The following NOL4 variants were observed in gnomAD, a reference collection of about 807,000 sequenced individuals.
NOL4 encodes the protein nucleolar protein 4.
In NOL4, 17 loss-of-function variants were observed where a neutral mutation model predicts 75.9. The ratio of observed to expected loss-of-function variants is 0.22; its 90% CI spans 0.15 to 0.34. The LOEUF is 0.34. NOL4 is among the 10% of genes least tolerant of loss of function. The probability of loss-of-function intolerance (pLI) is 1.00; values close to 1 mark genes in which losing one functional copy is unlikely to be tolerated. For missense variants in NOL4, 614 were observed against 793.5 expected, an observed-to-expected ratio of 0.77 and a Z score of 2.72; for synonymous variants, 292 against 289.9, an observed-to-expected ratio of 1.01 and a Z score of -0.07.
intron 1 of NOL4, among the ~76,000 whole-genome samples, chr18:34,139,334 A>T (rs952656774): frequency 6.6e-6 from 1 of 152,088 alleles, no homozygotes; most frequent in Non-Finnish European, 1.5e-5. Context: ...GTAAGCTATT[A>T]ATTATTGCAT....
intron 5 of NOL4, among the ~76,000 whole-genome samples, chr18:34,080,279 A>G (rs982464063): frequency 6.6e-6 from 1 of 152,094 alleles, no homozygotes; most frequent in African/African-American, 2.4e-5. Flanking sequence ...AGTTATACAT[A>G]TATTCCTATA....
rs201871313 is a variant in NOL4 at position 34,024,719 on chromosome 18, A to G, written c.773-5118T>C. 4.6e-5 allele frequency among the ~76,000 whole-genome samples: 7 copies of G among 152,278 alleles called. No individual in the cohort carries two copies. The East Asian group carries it at 1.4e-3, about 29-fold the overall frequency. On this transcript the variant is annotated intron_variant, in intron 5 of 10. Transcript: ENST00000261592. ...TTCCAGCACAGTATACTGGAATACTATACTGGAATAATATACATAGTATAT... is the reference window on the plus strand; with the variant it reads ...TTCCAGCACAGTATACTGGAATACTGTACTGGAATAATATACATAGTATAT...
At chr18:34,042,726 A>T (rs1459725512) in intron 5 of NOL4, among the ~76,000 whole-genome samples, 1 of 152,048 alleles carries the variant, frequency 6.6e-6, no homozygotes, top group Non-Finnish European at 1.5e-5. Context: ...TGAACTAGTT[A>T]TCTCCATATT....
intron 1 of NOL4, among the ~76,000 whole-genome samples, chr18:34,203,924 T>A (rs908653226): frequency 6.6e-6 from 1 of 152,040 alleles, no homozygotes; most frequent in African/African-American, 2.4e-5. Flanking sequence ...CTTTTGACTT[T>A]ATTTTGAATG....
chr18:33,917,964 A>G (rs914643871), intron 9 of NOL4, among the ~76,000 whole-genome samples: 1 of 152,210 alleles, frequency 6.6e-6, no homozygotes, highest in Admixed American at 6.5e-5. Context: ...AATCCCAGGC[A>G]TTCTTCATTT....
intron 9 of NOL4, among the ~76,000 whole-genome samples, chr18:33,935,434 G>T (rs1402928590): frequency 2.0e-5 from 3 of 152,102 alleles, no homozygotes; most frequent in Non-Finnish European, 4.4e-5. Flanking sequence ...GAAAGAGAGA[G>T]ACAGGGTGAT....
intron 6 of NOL4, among the ~76,000 whole-genome samples, chr18:34,010,883 C>T (rs572094024): frequency 6.6e-6 from 1 of 151,824 alleles, no homozygotes; most frequent in South Asian, 2.1e-4. Context: ...GACCTTTTGC[C>T]TATTGTTTAA....
At chr18:33,947,515 C>A (rs1161243800) in intron 8 of NOL4, among the ~76,000 whole-genome samples, 1 of 151,760 alleles carries the variant, frequency 6.6e-6, no homozygotes. Context: ...GAAAATAACA[C>A]CTCCTGTGGC....
chr18:34,101,509 C>A (rs1227722219), intron 4 of NOL4, among the ~76,000 whole-genome samples: 1 of 152,090 alleles, frequency 6.6e-6, no homozygotes, highest in Admixed American at 6.6e-5. Flanking sequence ...CAAAAATCAT[C>A]CAACTCAAGG....
intron 6 of NOL4, among the ~76,000 whole-genome samples, chr18:33,976,478 T>C (rs2071496171): frequency 6.6e-6 from 1 of 152,190 alleles, no homozygotes; most frequent in Non-Finnish European, 1.5e-5. Context: ...TTATTACCTA[T>C]CATTCTGAAG....
At chr18:34,048,344 A>C (rs531360045) in intron 5 of NOL4, 2 of 565,970 alleles carry the variant, frequency 3.5e-6, no homozygotes, top group East Asian at 1.5e-4. Flanking sequence ...ATCAGAGTCT[A>C]CTCCTGTCAT....
chr18:33,908,182 A>T (rs886533994), intron 9 of NOL4, among the ~76,000 whole-genome samples: 3 of 152,198 alleles, frequency 2.0e-5, no homozygotes, highest in Admixed American at 6.5e-5. Context: ...TGGTGTTCTC[A>T]CTACTGACTT....
intron 4 of NOL4, among the ~76,000 whole-genome samples, chr18:34,099,635 C>T (rs1383791099): frequency 2.6e-5 from 4 of 152,036 alleles, no homozygotes; most frequent in Non-Finnish European, 5.9e-5. Context: ...TTCTAGTATT[C>T]CGATGAAATT....
intron 10 of NOL4, among the ~76,000 whole-genome samples, chr18:33,853,263 A>T (rs2062698606): frequency 6.6e-6 from 1 of 152,100 alleles, no homozygotes; most frequent in Non-Finnish European, 1.5e-5. Flanking sequence ...AGCCTCTGGA[A>T]ATCACCTCTT....
At chr18:33,959,925 TTTTC>T (rs1257822346) in intron 6 of NOL4, among the ~76,000 whole-genome samples, 5 of 151,088 alleles carry the variant, frequency 3.3e-5, no homozygotes, top group South Asian at 2.1e-4. Context: ...GATATGAAGT[TTTTC>T]TTTCTAAGTG....
intron 5 of NOL4, 111 bp downstream of exon 5, chr18:34,093,354 G>A: frequency 9.3e-7 from 1 of 1,077,454 alleles, no homozygotes; most frequent in Non-Finnish European, 1.3e-6. Context: ...CATAGAAATG[G>A]GTAGATTTTT....
intron 6 of NOL4, among the ~76,000 whole-genome samples, chr18:33,995,154 T>A (rs1159882919): frequency 1.3e-5 from 2 of 151,542 alleles, no homozygotes; most frequent in East Asian, 3.9e-4. Context: ...AAGTCCCAAA[T>A]TGCTTCACTT....
rs149466934 is a variant in NOL4 at position 34,165,779 on chromosome 18, TTC to T, written c.265-35761_265-35760del. On this transcript the variant is annotated intron_variant, in intron 1 of 10. Coordinates refer to ENST00000261592, the MANE Select transcript of NOL4 (RefSeq NM_003787.5). ...CTCTAGATAATCAAACCAGAGGTGA[TTC>T]TTTTTTTCTTCTGCTTTTTTTAACT... Among the ~76,000 whole-genome samples, 503 of 152,174 alleles carry T rather than the reference TTC, an allele frequency of 3.3e-3. 5 individuals are homozygous for T. Among genetic ancestry groups the T allele is most frequent in the African/African-American group, 0.012 (485 of 41,538 alleles).
chr18:34,123,379 T>C (rs1207274664), intron 2 of NOL4, among the ~76,000 whole-genome samples: 1 of 151,498 alleles, frequency 6.6e-6, no homozygotes, highest in African/African-American at 2.4e-5. Flanking sequence ...TCAGTAGCTG[T>C]AGCTAATATT....
Sources: allele counts gnomAD v4.1 joint callset (sites outside exome capture counted in the v4.1 genomes callset), GRCh38; gene constraint gnomAD v4.1.1; transcripts MANE v1.5; gene names NCBI Gene and HGNC (gene_info 2026-07-23, HGNC 2026-07-21).